The following CPXM2 variants were observed in gnomAD, a reference collection of about 807,000 sequenced individuals.
The protein encoded by CPXM2 is carboxypeptidase X, M14 family member 2.
A neutral mutation model predicts 86.1 loss-of-function variants in CPXM2; 66 were observed. The ratio of observed to expected loss-of-function variants is 0.77; its 90% CI spans 0.63 to 0.94. CPXM2 has a LOEUF of 0.94. Among genes scored for constraint, CPXM2 ranks in the 40% least tolerant of loss-of-function variants. The pLI is 0.00. For synonymous variants in CPXM2, 388 were observed against 400.2 expected (o/e 0.97, Z 0.36); for missense variants, 948 against 1,026.3 (o/e 0.92, Z 1.04).
chr10:123,854,677 C>T (rs965475616), intron 3 of CPXM2, among the ~76,000 whole-genome samples: 5 of 150,998 alleles, frequency 3.3e-5, no homozygotes, highest in South Asian at 4.2e-4. Flanking sequence ...GTGTCTACTC[C>T]GCAGTCATAA....
chr10:123,757,344 C>G lies in CPXM2; in HGVS notation c.1786G>C (p.Asp596His). The G allele has an allele frequency of 6.2e-7, 1 of 1,613,284 alleles. No individual in the cohort carries two copies. Among genetic ancestry groups the G allele is most frequent in the Non-Finnish European group, 8.5e-7 (1 of 1,179,276 alleles). Reference sequence around the variant, plus strand: ...CAGTTTGTATGAAGGTAGCTGAAATCGTTCAGACCTGCCAAGCCAACCGGA... The same window carrying G: ...CAGTTTGTATGAAGGTAGCTGAAATGGTTCAGACCTGCCAAGCCAACCGGA... ...SWHTVAGSLN[D>H]FSYLHTNCFE... The change falls in exon 12 of 14, where the codon GAT becomes CAT. Residue 596 changes from aspartate (D) to histidine (H), a missense_variant. Asp to His is a moderately conservative substitution (Grantham distance 81, BLOSUM62 -1). Transcript: ENST00000241305.
intron 2 of CPXM2, among the ~76,000 whole-genome samples, chr10:123,934,524 A>G (rs1446543154): frequency 2.0e-5 from 3 of 152,084 alleles, no homozygotes; most frequent in Non-Finnish European, 4.4e-5. Context: ...TGGTAAATTA[A>G]TGCAGTTTGA....
intron 4 of CPXM2, among the ~76,000 whole-genome samples, chr10:123,829,469 AAACAAC>A (rs971431803): frequency 6.6e-6 from 1 of 151,982 alleles, no homozygotes; most frequent in African/African-American, 2.4e-5. Context: ...CAACCCAAAC[AAACAAC>A]AACAACAACA....
At chr10:123,792,557 C>A (rs1410521204) in intron 6 of CPXM2, among the ~76,000 whole-genome samples, 6 of 152,018 alleles carry the variant, frequency 3.9e-5, no homozygotes, top group African/African-American at 1.5e-4. Flanking sequence ...AGACAGAGAC[C>A]GGAAATGAGA....
intron 13 of CPXM2, chr10:123,751,677 C>CTA (rs750397583): frequency 5.6e-5 from 55 of 985,276 alleles, no homozygotes; most frequent in Non-Finnish European, 5.7e-5. Flanking sequence ...CCATTTAATA[C>CTA]CCCTGTTTAT....
In CPXM2 at chr10:123,880,630, C is replaced by T. The variant is rs560035462; in HGVS notation, c.305-321G>A. ...GGATCACAAGGTCAGGAGATCAAGA[C>T]CATCCTGGCTAACACGGTGAAACCC... On this transcript the variant is annotated intron_variant, in intron 1 of 13. Transcript: ENST00000241305. 2.2e-3 allele frequency among the ~76,000 whole-genome samples: 338 copies of T among 152,030 alleles called. 1 individual carries two copies. The highest frequency in any genetic ancestry group is 4.1e-3 in the Non-Finnish European group (278 of 67,972).
At chr10:123,798,570 T>C (rs2134068203) in intron 5 of CPXM2, among the ~76,000 whole-genome samples, 1 of 152,272 alleles carries the variant, frequency 6.6e-6, no homozygotes, top group East Asian at 1.9e-4. Context: ...AGAGCAGCTG[T>C]TTCACTTGTA....
At chr10:123,831,014 A>G (rs74162947) in intron 4 of CPXM2, among the ~76,000 whole-genome samples, 1,957 of 152,108 alleles carry the variant, frequency 0.013, 35 homozygotes, top group African/African-American at 0.045. Context: ...CTGTTGATTT[A>G]TTGGATTTTT....
At chr10:123,923,694 C>T (rs936592208) in intron 2 of CPXM2, among the ~76,000 whole-genome samples, 3 of 152,204 alleles carry the variant, frequency 2.0e-5, no homozygotes, top group Admixed American at 6.5e-5. Context: ...ATTGTAGCTC[C>T]CATTATTCCC....
intron 2 of CPXM2, among the ~76,000 whole-genome samples, chr10:123,925,338 G>C (rs1232097970): frequency 6.6e-6 from 1 of 151,918 alleles, no homozygotes; most frequent in African/African-American, 2.4e-5. Flanking sequence ...TTAAGTAGTG[G>C]AGATTATTAG....
chr10:123,789,378 G>C (rs1300514977), intron 6 of CPXM2, among the ~76,000 whole-genome samples: 1 of 152,204 alleles, frequency 6.6e-6, no homozygotes, highest in Admixed American at 6.5e-5. Flanking sequence ...TGTGGGAGCA[G>C]AAGTCCAGGA....
intron 2 of CPXM2, among the ~76,000 whole-genome samples, chr10:123,875,105 G>A (rs991293855): frequency 1.3e-5 from 2 of 152,118 alleles, no homozygotes; most frequent in African/African-American, 4.8e-5. Context: ...GCCAGCCCAG[G>A]ACCCCTAATC....
intron 6 of CPXM2, among the ~76,000 whole-genome samples, chr10:123,781,284 C>T (rs554084761): frequency 1.3e-5 from 2 of 152,298 alleles, no homozygotes; most frequent in Admixed American, 1.3e-4. Flanking sequence ...GATTCCCTTC[C>T]ATATAAATTG....
chr10:123,855,905 T>C (rs1389410724), intron 3 of CPXM2, among the ~76,000 whole-genome samples: 1 of 152,140 alleles, frequency 6.6e-6, no homozygotes, highest in Non-Finnish European at 1.5e-5. Flanking sequence ...TGGCCAGACG[T>C]TTCCTCCTGG....
At chr10:123,892,612 T>A (rs1433447073), upstream of CPXM2, among the ~76,000 whole-genome samples, 2 of 152,168 alleles carry the variant, frequency 1.3e-5, no homozygotes, top group Non-Finnish European at 2.9e-5. Context: ...GATGACAAAC[T>A]TAGTGGCTTC....
At chr10:123,905,787 C>CCCA (rs1358257354) in intron 2 of CPXM2, among the ~76,000 whole-genome samples, 1 of 152,126 alleles carries the variant, frequency 6.6e-6, no homozygotes, top group Non-Finnish European at 1.5e-5. Context: ...CTTCCTGCCT[C>CCCA]CCACCCCACC....
At chr10:123,886,035 C>T (rs116948182) in intron 1 of CPXM2, among the ~76,000 whole-genome samples, 152 of 152,332 alleles carry the variant, frequency 1.0e-3, no homozygotes, top group Non-Finnish European at 1.8e-3. Context: ...TAATAGTTGA[C>T]TTTGGAAAGC....
chr10:123,888,488 CT>C (rs1366151377), intron 1 of CPXM2, among the ~76,000 whole-genome samples: 1 of 152,154 alleles, frequency 6.6e-6, no homozygotes, highest in Non-Finnish European at 1.5e-5. Context: ...ATGTAAGTGC[CT>C]TCCTAAGATA....
At chr10:123,849,392 C>T (rs1172773426) in intron 3 of CPXM2, among the ~76,000 whole-genome samples, 2 of 151,554 alleles carry the variant, frequency 1.3e-5, no homozygotes, top group African/African-American at 4.9e-5. Context: ...TCCCCTTTAT[C>T]CCCTTTATCA....
Sources: gnomAD v4.1 joint callset for allele counts (sites outside exome capture counted in the v4.1 genomes callset) on GRCh38, gnomAD v4.1.1 for gene constraint, MANE v1.5 for transcripts, NCBI Gene and HGNC (gene_info 2026-07-23, HGNC 2026-07-21) for gene names.